Variants in TACC3 observed in about 807,000 individuals in gnomAD.
TACC3 encodes transforming acidic coiled-coil-containing protein 3.
TACC3 carries 52 observed loss-of-function variants against 86.0 expected under a neutral mutation model. The ratio of observed to expected loss-of-function variants is 0.60; its 90% CI spans 0.48 to 0.76. TACC3 has a LOEUF of 0.76. TACC3 is among the 30% of genes least tolerant of loss of function. The pLI is 0.00. For synonymous variants in TACC3, 512 were observed against 430.0 expected (o/e 1.19, Z -2.36); for missense variants, 1,120 against 1,070.4 (o/e 1.05, Z -0.65).
At chr4:1,726,421 A>G (rs750071829) in intron 3 of TACC3, among the ~76,000 whole-genome samples, 2 of 152,112 alleles carry the variant, frequency 1.3e-5, no homozygotes, top group South Asian at 4.1e-4. Context: ...TTTGTTTACC[A>G]CGCCCCCTGC....
At chr4:1,737,198 C>A in intron 8 of TACC3, 43 bp from the exon 9 acceptor site, 1 of 1,531,072 alleles carries the variant, frequency 6.5e-7, no homozygotes, top group Admixed American at 1.7e-5. Context: ...CTACTCAACA[C>A]TGGGAGGGCC....
At chr4:1,739,623 G>C (rs1718466583) in intron 10 of TACC3, 79 bp from the exon 11 acceptor site, 21 of 1,359,196 alleles carry the variant, frequency 1.5e-5, no homozygotes, top group Non-Finnish European at 2.1e-5. Flanking sequence ...TCGGGTGCGG[G>C]CTGGCCCCAT....
chr4:1,730,361 A>G (rs1309004023), intron 4 of TACC3: 2 of 227,392 alleles, frequency 8.8e-6, no homozygotes, highest in East Asian at 2.3e-4. Context: ...ATTGTAGAAC[A>G]AAGATTATTA....
intron 6 of TACC3, among the ~76,000 whole-genome samples, chr4:1,731,684 G>A (rs989272683): frequency 2.0e-5 from 3 of 152,026 alleles, no homozygotes; most frequent in Non-Finnish European, 2.9e-5. Flanking sequence ...CACCCAGCCT[G>A]GAATGCAGTG....
intron 3 of TACC3, among the ~76,000 whole-genome samples, chr4:1,727,178 C>T (rs1315997583): frequency 6.6e-6 from 1 of 151,942 alleles, no homozygotes; most frequent in African/African-American, 2.4e-5. Flanking sequence ...AATTGAGGAG[C>T]CCAGTCTACC....
Position 1,728,932 on chromosome 4 carries a change from CAG to C in TACC3, c.1385+146_1385+147del, listed in dbSNP as rs1441511566. 7 of 839,174 alleles carry C rather than the reference CAG, an allele frequency of 8.3e-6. No homozygotes were observed. In the South Asian group the frequency reaches 9.1e-5, roughly 11 times the overall value. The allele number at this position is 839,174 out of a possible 1,614,324, so 52.0% of individuals were successfully genotyped here. ...CTGAGGAGGGGCCTCTGGATAAAAA[CAG>C]GGCTCAGGTGGCTCCCAGCTGAGGG... On this transcript the variant is annotated intron_variant, in intron 4 of 15. Transcript: ENST00000313288.
chr4:1,743,233 C>A (rs1383440647), intron 13 of TACC3, among the ~76,000 whole-genome samples: 1 of 121,650 alleles, frequency 8.2e-6, no homozygotes, highest in East Asian at 2.4e-4. Context: ...TATGGCCTGG[C>A]GATAGAGCGA....
rs1393788264 is a variant in TACC3, at chr4:1,728,198, C to T, written c.796C>T (p.Gln266Ter). ...GGAAGCCTGCGGAGGAGCACCCCTGCAGGGTCTGCCTGGCGAAGCCCTGGG... is the reference window on the plus strand; with the variant it reads ...GGAAGCCTGCGGAGGAGCACCCCTGTAGGGTCTGCCTGGCGAAGCCCTGGG... ...PKEACGGAPL[Q>*]GLPGEALGCP... Residue 266 changes from glutamine (Q) to a stop codon, truncating the protein, a stop_gained, in exon 4 of 16, where the codon CAG (glutamine) becomes TAG (stop). Transcript: ENST00000313288. LOFTEE classifies it high-confidence loss of function. 1 of 1,611,642 alleles carries T rather than the reference C, an allele frequency of 6.2e-7. No individual in the cohort carries two copies. Among genetic ancestry groups the T allele is most frequent in the Non-Finnish European group, 8.5e-7 (1 of 1,179,562 alleles).
At chr4:1,720,814 GA>G, upstream of TACC3, 1 of 1,592,788 alleles carries the variant, frequency 6.3e-7, no homozygotes, top group South Asian at 1.1e-5. This position sits in a 1 kb window ranked among gnomAD's most constrained non-coding sequence, Gnocchi z 4.4. Context: ...AGGCGAGAGT[GA>G]AGGTCACCTC....
chr4:1,733,006 G>C (rs1279319810), intron 6 of TACC3, among the ~76,000 whole-genome samples: 2 of 152,182 alleles, frequency 1.3e-5, no homozygotes, highest in African/African-American at 2.4e-5. Context: ...TAGCTACCAG[G>C]TGGCCTTCCA....
In TACC3 at chr4:1,723,455, A is replaced by T. The variant is rs759201169; in HGVS notation, c.34A>T (p.Ser12Cys). ...GCAGGTCTTAAACGACAAAAATGTC[A>T]GCAATGAAAAAAATACAGAAAATTG... ...SLQVLNDKNV[S>C]NEKNTENCDF... Residue 12 changes from serine to cysteine, a missense_variant, in exon 2 of 16, where the codon AGC becomes TGC. By Grantham distance (112) the Ser-to-Cys change is moderately radical. Coordinates refer to ENST00000313288, the MANE Select transcript of TACC3 (RefSeq NM_006342.3). The T allele has an allele frequency of 5.6e-6, 9 of 1,613,550 alleles. No individual in the cohort carries two copies. The highest frequency in any genetic ancestry group is 6.8e-6 in the Non-Finnish European group (8 of 1,179,980).
intron 10 of TACC3, chr4:1,739,455 G>A (rs1718454597): frequency 1.2e-5 from 7 of 567,624 alleles, no homozygotes; most frequent in Non-Finnish European, 2.2e-5. Context: ...TTGGGTGCCT[G>A]CTGGTTCCAC....
intron 13 of TACC3, among the ~76,000 whole-genome samples, chr4:1,743,999 C>T (rs1022983031): frequency 2.0e-5 from 3 of 152,112 alleles, no homozygotes; most frequent in Non-Finnish European, 4.4e-5. Context: ...TAGGCTGAGC[C>T]TTCCCAAGCA....
chr4:1,728,990 T>A (rs773925689), intron 4 of TACC3, among the ~76,000 whole-genome samples: 1 of 152,222 alleles, frequency 6.6e-6, no homozygotes, highest in Non-Finnish European at 1.5e-5. Context: ...GCCATGCATC[T>A]CTTTAGTGCT....
At chr4:1,732,225 G>A (rs924702925) in intron 6 of TACC3, among the ~76,000 whole-genome samples, 10 of 152,102 alleles carry the variant, frequency 6.6e-5, no homozygotes, top group Non-Finnish European at 1.2e-4. Context: ...AATACGGTTT[G>A]TCCGTAAGAT....
intron 10 of TACC3, among the ~76,000 whole-genome samples, chr4:1,738,629 G>A (rs368303124): frequency 6.6e-6 from 1 of 152,226 alleles, no homozygotes; most frequent in African/African-American, 2.4e-5. Flanking sequence ...CTGCAGAAAG[G>A]GTGCCCCTCG....
Position 1,730,611 on chromosome 4 carries a change from G to T in TACC3, c.1386-276G>T, listed in dbSNP as rs889076205. On this transcript the variant is annotated intron_variant, in intron 4 of 15. Transcript: ENST00000313288. Reference sequence around the variant, plus strand: ...GTAAAAGGGATGTACTCATCCTTGTGATTCCCTTTGGCTGCATCGTGCTGA... The same window carrying T: ...GTAAAAGGGATGTACTCATCCTTGTTATTCCCTTTGGCTGCATCGTGCTGA... 22 of 597,740 alleles carry T rather than the reference G, an allele frequency of 3.7e-5. No homozygotes were observed. In the Admixed American group the frequency reaches 4.1e-4, roughly 11 times the overall value. The allele number at this position is 597,740 out of a possible 1,614,324, so 37.0% of individuals were successfully genotyped here.
chr4:1,745,122 C>T lies in TACC3; in HGVS notation c.*109C>T. ...GTCTTGTCTTCAACTTTTTTAAAAA[C>T]TAGATTGCTTTGAAAACATGACTCA... On this transcript the variant is annotated 3_prime_UTR_variant, in exon 16 of 16. Transcript: ENST00000313288. 1 of 1,155,598 alleles carries T rather than the reference C, an allele frequency of 8.7e-7. No homozygotes were observed. The highest frequency in any genetic ancestry group is 1.6e-5 in the African/African-American group (1 of 64,508). 71.6% of individuals were successfully genotyped at this position (1,155,598 alleles called of 1,614,324 possible).
Position 1,723,875 on chromosome 4 carries a change from G to C in TACC3, c.305+5G>C. On this transcript the variant is annotated splice_donor_5th_base_variant and intron_variant, in intron 3 of 15. Coordinates refer to ENST00000313288, the MANE Select transcript of TACC3 (RefSeq NM_006342.3). Reference sequence around the variant, plus strand: ...GGTCTGGACACAGAAAGAGAAGTAAGTGTTGGTGCTGCTGGACATGCTGGA... The same window carrying C: ...GGTCTGGACACAGAAAGAGAAGTAACTGTTGGTGCTGCTGGACATGCTGGA... 6.2e-7 allele frequency: 1 copy of C among 1,613,028 alleles called. No homozygotes were observed. The highest frequency in any genetic ancestry group is 8.5e-7 in the Non-Finnish European group (1 of 1,179,840).
Sources: gnomAD v4.1 joint callset for allele counts (sites outside exome capture counted in the v4.1 genomes callset) on GRCh38, gnomAD v4.1.1 for gene constraint, Gnocchi (gnomAD v3.1) non-coding constraint, MANE v1.5 for transcripts, NCBI Gene and HGNC (gene_info 2026-07-23, HGNC 2026-07-21) for gene names.